SERINC3: variants seen among roughly 807,000 people sequenced by gnomAD.
SERINC3 encodes the protein serine incorporator 3, also known as tumor differentially expressed protein 1.
In SERINC3, 22 loss-of-function variants were observed where a neutral mutation model predicts 52.1. The ratio of observed to expected loss-of-function variants is 0.42; its 90% CI spans 0.30 to 0.60. The LOEUF (loss-of-function observed/expected upper bound fraction) is 0.60, where lower values mean the gene tolerates loss of function less well. Ranked by LOEUF, SERINC3 falls within the 20% of genes least tolerant of loss-of-function variation. The probability of loss-of-function intolerance (pLI) is 0.16; values close to 1 mark genes in which losing one functional copy is unlikely to be tolerated. For synonymous variants in SERINC3, 226 were observed against 212.7 expected (o/e 1.06, Z -0.54); for missense variants, 564 against 584.6 (o/e 0.96, Z 0.36).
At position 44,512,953 on chromosome 20, in the gene SERINC3, A is replaced by G. The variant is rs2064357953; in HGVS notation, c.243T>C (p.Ala81=). The change falls in exon 3 of 10, where the codon GCT becomes GCC. Residue 81 remains alanine (A), a synonymous_variant. Coordinates refer to ENST00000342374, the MANE Select transcript of SERINC3 (RefSeq NM_006811.4). The part of the protein sequence containing the change: ...FCEGGFKIHE[A]DINADKDCDV... ...CACAATCTTTATCTGCATTTATATC[A>G]GCCTCATGGATTTTAAATCCCCCTT... 3 of 1,513,398 alleles carry G rather than the reference A, an allele frequency of 2.0e-6. No individual in the cohort carries two copies. The highest frequency in any genetic ancestry group is 2.9e-5 in the African/African-American group (2 of 68,770). The allele number at this position is 1,513,398 out of a possible 1,614,324, so 93.7% of individuals were successfully genotyped here. A position where few individuals can be genotyped will look rare whatever the true frequency, so the allele number is the denominator to read the frequency against.
chr20:44,520,402 A>T (rs368615762), intron 1 of SERINC3, among the ~76,000 whole-genome samples: 3 of 152,190 alleles, frequency 2.0e-5, no homozygotes, highest in African/African-American at 7.2e-5. Context: ...CTGTATCTTT[A>T]AAAATATATT....
chr20:44,505,017 T>C (rs925214400), intron 6 of SERINC3, 126 bp from the exon 7 acceptor site: 21 of 638,704 alleles, frequency 3.3e-5, no homozygotes, highest in African/African-American at 9.0e-5. Flanking sequence ...TTCTTGAGAG[T>C]TGAAAGGTGA....
rs1410287762 is a variant in SERINC3 at position 44,499,594 on chromosome 20, G to A, written c.*702C>T. The A allele has an allele frequency of 6.6e-6, 1 of 152,324 alleles. No homozygotes were observed. Among genetic ancestry groups the A allele is most frequent in the Non-Finnish European group, 1.5e-5 (1 of 68,034 alleles). The allele number at this position is 152,324 out of a possible 1,614,324, so 9.4% of individuals were successfully genotyped here. A position where few individuals can be genotyped will look rare whatever the true frequency, so the allele number is the denominator to read the frequency against. On this transcript the variant is annotated 3_prime_UTR_variant, in exon 10 of 10. Coordinates refer to ENST00000342374, the MANE Select transcript of SERINC3 (RefSeq NM_006811.4). The stretch of plus-strand genomic sequence containing the variant: ...TAGTAACACAGACTAAAGCTGCAGT[G>A]TTTTCCCAAGTGAATCTTCATTTTA...
At chr20:44,512,101 T>C (rs975008689) in intron 3 of SERINC3, among the ~76,000 whole-genome samples, 7 of 151,794 alleles carry the variant, frequency 4.6e-5, no homozygotes, top group African/African-American at 1.7e-4. Context: ...CCACCTGAGG[T>C]CACGAGTTCT....
intron 4 of SERINC3, 94 bp from the exon 5 acceptor site, chr20:44,510,122 G>A: frequency 8.1e-7 from 1 of 1,239,162 alleles, no homozygotes; most frequent in Admixed American, 2.0e-5. Flanking sequence ...AAACAAGACA[G>A]AGGTGGTAAA....
chr20:44,501,734 C>T (rs1402214872), intron 8 of SERINC3, among the ~76,000 whole-genome samples: 1 of 152,116 alleles, frequency 6.6e-6, no homozygotes, highest in Admixed American at 6.5e-5. Flanking sequence ...CCACAGCTTC[C>T]TAGGCTTCCT....
At chr20:44,502,602 A>C (rs967086184) in intron 8 of SERINC3, among the ~76,000 whole-genome samples, 4 of 151,776 alleles carry the variant, frequency 2.6e-5, no homozygotes, top group Non-Finnish European at 5.9e-5. Flanking sequence ...AAAAAAAAAA[A>C]AACACAAAAA....
At chr20:44,503,614 C>G (rs113254187) in intron 8 of SERINC3, among the ~76,000 whole-genome samples, 8,801 of 152,256 alleles carry the variant, frequency 0.058, 337 homozygotes, top group African/African-American at 0.12. Flanking sequence ...TGCCACTGCA[C>G]TCCAGCCTAG....
At chr20:44,509,797 AG>A in intron 5 of SERINC3, 93 bp downstream of exon 5, 1 of 1,352,528 alleles carries the variant, frequency 7.4e-7, no homozygotes, top group Non-Finnish European at 1.0e-6. Context: ...TCTGTCCCTG[AG>A]GACTATAGCT....
In SERINC3 at chr20:44,517,807, C is replaced by T. The variant is rs893819572; in HGVS notation, c.40-3767G>A. On this transcript the variant is annotated intron_variant, in intron 1 of 9. Coordinates refer to ENST00000342374, the MANE Select transcript of SERINC3 (RefSeq NM_006811.4). ...AGTTGTCTTAAGAATGTAAATATCT[C>T]GAAGGGGAGACTATCTTTACAACGT... 6.6e-5 allele frequency among the ~76,000 whole-genome samples: 10 copies of T among 152,154 alleles called. No homozygotes were observed. The East Asian group carries it at 1.5e-3, about 23-fold the overall frequency.
At chr20:44,504,559 G>A (rs1055394743) in intron 7 of SERINC3, among the ~76,000 whole-genome samples, 2 of 152,180 alleles carry the variant, frequency 1.3e-5, no homozygotes, top group Admixed American at 1.3e-4. Flanking sequence ...CCTAGGTTAG[G>A]TAAAGCCTAG....
intron 8 of SERINC3, among the ~76,000 whole-genome samples, chr20:44,503,595 C>G (rs1380368334): frequency 1.3e-5 from 2 of 152,200 alleles, no homozygotes; most frequent in Admixed American, 1.3e-4. Flanking sequence ...TTGCAGTGAG[C>G]TGAGATCCTG....
At chr20:44,510,772 C>T (rs113069660) in intron 4 of SERINC3, among the ~76,000 whole-genome samples, 11,235 of 151,952 alleles carry the variant, frequency 0.074, 449 homozygotes, top group South Asian at 0.14. Flanking sequence ...GATCGTGCCA[C>T]GGCACTCCAG....
rs367594419 is a variant in SERINC3, at chr20:44,504,782, G to C, written c.874+19C>G. 7.7e-6 allele frequency: 12 copies of C among 1,568,268 alleles called. No individual in the cohort carries two copies. Among genetic ancestry groups the C allele is most frequent in the African/African-American group, 4.1e-5 (3 of 74,016 alleles). On this transcript the variant is annotated intron_variant, in intron 7 of 9. Transcript: ENST00000342374. ...TACTTTCTTTTTATCAAATGAATGTGTTATTGACATTCCCTTACCAGGTTC... is the reference window on the plus strand; with the variant it reads ...TACTTTCTTTTTATCAAATGAATGTCTTATTGACATTCCCTTACCAGGTTC...
chr20:44,514,585 C>T (rs1268274272), intron 1 of SERINC3, among the ~76,000 whole-genome samples: 1 of 151,964 alleles, frequency 6.6e-6, no homozygotes, highest in Admixed American at 6.6e-5. Flanking sequence ...CGGTGAAACC[C>T]TGTCTCTACT....
Position 44,500,408 on chromosome 20 carries a change from G to C in SERINC3, c.1310C>G (p.Thr437Ser). ...YSPDAKFQSM[T>S]SKWPAVWVKI... The stretch of plus-strand genomic sequence containing the variant: ...GACCCACACAGCTGGCCACTTGCTG[G>C]TCATGCTCTGAAACTTTGCATCAGG... The change falls in exon 10 of 10, where the codon ACC becomes AGC. Residue 437 changes from threonine to serine, a missense_variant. Coordinates refer to ENST00000342374, the MANE Select transcript of SERINC3 (RefSeq NM_006811.4). The C allele has an allele frequency of 6.3e-7, 1 of 1,577,484 alleles. No homozygotes were observed. Among genetic ancestry groups the C allele is most frequent in the Non-Finnish European group, 8.6e-7 (1 of 1,160,672 alleles).
In SERINC3 at chr20:44,497,987, C is replaced by T. The variant is rs1425594136; in HGVS notation, c.*2309G>A. On this transcript the variant is annotated 3_prime_UTR_variant, in exon 10 of 10. Coordinates refer to ENST00000342374, the MANE Select transcript of SERINC3 (RefSeq NM_006811.4). ...TTTAACAATCTTGTACACTAGGCACCAACACTGAGGCTCAGCTGCCTGTGG... is the reference window on the plus strand; with the variant it reads ...TTTAACAATCTTGTACACTAGGCACTAACACTGAGGCTCAGCTGCCTGTGG... The T allele has an allele frequency of 2.6e-5, 4 of 152,158 alleles. No individual in the cohort carries two copies. The highest frequency in any genetic ancestry group is 5.9e-5 in the Non-Finnish European group (4 of 68,040). The allele number at this position is 152,158 out of a possible 1,614,324, so 9.4% of individuals were successfully genotyped here.
rs1484394163 is a variant in SERINC3 at position 44,522,042 on chromosome 20, G to A, written c.-91C>T. On this transcript the variant is annotated 5_prime_UTR_variant, in exon 1 of 10. Coordinates refer to ENST00000342374, the MANE Select transcript of SERINC3 (RefSeq NM_006811.4). ...TGAGGTGACTCCCCAGAAACATGAC[G>A]GTTTCTCAGGCCGGAAACGCAGCCT... The A allele has an allele frequency of 2.2e-6, 3 of 1,341,282 alleles. No homozygotes were observed. Among genetic ancestry groups the A allele is most frequent in the Middle Eastern group, 1.8e-4 (1 of 5,562 alleles). The allele number at this position is 1,341,282 out of a possible 1,614,324, so 83.1% of individuals were successfully genotyped here.
chr20:44,519,455 G>A (rs1229694368), intron 1 of SERINC3: 9 of 882,496 alleles, frequency 1.0e-5, no homozygotes, highest in Non-Finnish European at 1.2e-5. Context: ...TACAGTAAAC[G>A]ATTATTTCAT....
Sources: allele counts gnomAD v4.1 joint callset (sites outside exome capture counted in the v4.1 genomes callset), GRCh38; gene constraint gnomAD v4.1.1; transcripts MANE v1.5; gene names NCBI Gene and HGNC (gene_info 2026-07-23, HGNC 2026-07-21).